The following FEV variants were observed in gnomAD, a reference collection of about 807,000 sequenced individuals.
FEV encodes the protein FEV transcription factor, ETS family member.
FEV carries 14 observed loss-of-function variants against 20.5 expected under a neutral mutation model. The observed-to-expected ratio is 0.68, with a 90% CI of 0.45 to 1.07. FEV has a LOEUF of 1.07. Among genes scored for constraint, FEV ranks in the 50% least tolerant of loss-of-function variants. The pLI, the probability that FEV is intolerant of heterozygous loss-of-function variation, is 0.00. For synonymous variants in FEV, 188 were observed against 163.7 expected, an observed-to-expected ratio of 1.15 and a Z score of -1.13; for missense variants, 301 against 345.3, an observed-to-expected ratio of 0.87 and a Z score of 1.02.
At position 218,984,208 on chromosome 2, in the gene FEV, G is replaced by A; in HGVS notation, c.127+23C>T. 1 of 1,571,514 alleles carries A rather than the reference G, an allele frequency of 6.4e-7. No individual in the cohort carries two copies. The highest frequency in any genetic ancestry group is 1.2e-5 in the South Asian group (1 of 85,540). ...GACCCCAACCAACCTCGCCTCCGCCGCCCAGCGCGCCGGCCATCTCACCTT... is the reference window on the plus strand; with the variant it reads ...GACCCCAACCAACCTCGCCTCCGCCACCCAGCGCGCCGGCCATCTCACCTT... On this transcript the variant is annotated intron_variant, in intron 2 of 2. Coordinates refer to ENST00000295727, the MANE Select transcript of FEV (RefSeq NM_017521.3). The surrounding 1 kb of genome is among the most constrained non-coding windows in gnomAD (Gnocchi z 5.0).
In FEV at chr2:218,984,259, C is replaced by G; in HGVS notation, c.99G>C (p.Trp33Cys). 2 of 1,602,166 alleles carry G rather than the reference C, an allele frequency of 1.2e-6. No homozygotes were observed. The highest frequency in any genetic ancestry group is 1.7e-6 in the Non-Finnish European group (2 of 1,174,786). The change falls in exon 2 of 3, where the codon TGG becomes TGC. Residue 33 changes from tryptophan (W) to cysteine (C), a missense_variant. Coordinates refer to ENST00000295727, the MANE Select transcript of FEV (RefSeq NM_017521.3). The surrounding 1 kb of genome is among the most constrained non-coding windows in gnomAD (Gnocchi z 5.0). ...GLFKDGKNPS[W>C]GPLSPAVQKG... ...TCTGAACCGCGGGGCTCAGCGGCCCCCAGCTCGGGTTCTTCCCGTCCTTGA... is the reference window on the plus strand; with the variant it reads ...TCTGAACCGCGGGGCTCAGCGGCCCGCAGCTCGGGTTCTTCCCGTCCTTGA...
chr2:218,982,123 C>T lies in FEV; in HGVS notation c.261G>A (p.Trp87Ter), dbSNP rs1945395272. The T allele has an allele frequency of 6.2e-7, 1 of 1,613,554 alleles. No homozygotes were observed. The highest frequency in any genetic ancestry group is 1.7e-5 in the Admixed American group (1 of 59,988). ...TGTTGGGCTTGCTCTTGCGCTCGCC[C>T]CACCGCCGCGCCACCTCGTCCGGGT... ...LTDPDEVARR[W>*]GERKSKPNMN... The change falls in exon 3 of 3, where the codon TGG (tryptophan) becomes TGA (stop). Residue 87 changes from tryptophan (W) to a stop codon, truncating the protein, a stop_gained. Coordinates refer to ENST00000295727, the MANE Select transcript of FEV (RefSeq NM_017521.3). LOFTEE classifies it high-confidence loss of function.
Position 218,984,440 on chromosome 2 carries a change from T to C in FEV, c.53-135A>G, listed in dbSNP as rs1945420200. 1.3e-6 allele frequency: 1 copy of C among 793,156 alleles called. No homozygotes were observed. The highest frequency in any genetic ancestry group is 1.9e-6 in the Non-Finnish European group (1 of 516,902). 49.1% of individuals were successfully genotyped at this position (793,156 alleles called of 1,614,324 possible). Reference sequence around the variant, plus strand: ...AGGCTGGGGGCCCGGGCCACCCGGCTCCTCCTCCCGGAGCCTGGTCCAGGC... The same window carrying C: ...AGGCTGGGGGCCCGGGCCACCCGGCCCCTCCTCCCGGAGCCTGGTCCAGGC... On this transcript the variant is annotated intron_variant, in intron 1 of 2. Coordinates refer to ENST00000295727, the MANE Select transcript of FEV (RefSeq NM_017521.3). This position sits in a 1 kb window ranked among gnomAD's most constrained non-coding sequence, Gnocchi z 5.0.
rs1945389574 is a variant in FEV, at chr2:218,981,826, C to T, written c.558G>A (p.Gly186=). ...AGTAGGAGAAGCCGGCGGGCGCGAC[C>T]CCGGCCGAGGCGGCCATGAGGTTGA... ...SKLNLMAASA[G]VAPAGFSYWP... The change falls in exon 3 of 3, where the codon GGG becomes GGA. Residue 186 remains glycine, a synonymous_variant. Coordinates refer to ENST00000295727, the MANE Select transcript of FEV (RefSeq NM_017521.3). The surrounding 1 kb of genome is among the most constrained non-coding windows in gnomAD (Gnocchi z 4.5). 8.1e-7 allele frequency: 1 copy of T among 1,238,630 alleles called. No individual in the cohort carries two copies. The highest frequency in any genetic ancestry group is 1.6e-5 in the African/African-American group (1 of 63,784). The allele number at this position is 1,238,630 out of a possible 1,614,324, so 76.7% of individuals were successfully genotyped here. A position where few individuals can be genotyped will look rare whatever the true frequency, so the allele number is the denominator to read the frequency against.
Position 218,984,387 on chromosome 2 carries a change from A to C in FEV, c.53-82T>G. The C allele has an allele frequency of 7.4e-7, 1 of 1,359,958 alleles. No individual in the cohort carries two copies. The highest frequency in any genetic ancestry group is 1.3e-5 in the South Asian group (1 of 74,084). 84.2% of individuals were successfully genotyped at this position (1,359,958 alleles called of 1,614,324 possible). The stretch of plus-strand genomic sequence containing the variant: ...ACAAAAGGGCCCCGGGCCAAGGCTT[A>C]AGGGGGGTGCTGTGGTCCCCAGGCG... On this transcript the variant is annotated intron_variant, in intron 1 of 2. Transcript: ENST00000295727. The surrounding 1 kb of genome is among the most constrained non-coding windows in gnomAD (Gnocchi z 5.0).
rs1223059226 is a variant in FEV, at chr2:218,984,243, C to CG, written c.114dup (p.Ala39ArgfsTer21). ...CCGGCCATCTCACCTTTCTGAACCG[C>CG]GGGGCTCAGCGGCCCCCAGCTCGGG... On this transcript the variant is annotated frameshift_variant, in exon 2 of 3. Transcript: ENST00000295727. LOFTEE classifies it high-confidence loss of function. The surrounding 1 kb of genome is among the most constrained non-coding windows in gnomAD (Gnocchi z 5.0). 6.3e-7 allele frequency: 1 copy of CG among 1,597,946 alleles called. No homozygotes were observed. Among genetic ancestry groups the CG allele is most frequent in the Non-Finnish European group, 8.5e-7 (1 of 1,172,684 alleles).
Position 218,981,903 on chromosome 2 carries a change from A to G in FEV, c.481T>C (p.Tyr161His). The G allele has an allele frequency of 8.0e-7, 1 of 1,256,758 alleles. No individual in the cohort carries two copies. Among genetic ancestry groups the G allele is most frequent in the Non-Finnish European group, 9.9e-7 (1 of 1,005,592 alleles). The allele number at this position is 1,256,758 out of a possible 1,614,324, so 77.9% of individuals were successfully genotyped here. A position where few individuals can be genotyped will look rare whatever the true frequency, so the allele number is the denominator to read the frequency against. The change falls in exon 3 of 3, where the codon TAC becomes CAC. Residue 161 changes from tyrosine to histidine, a missense_variant. Coordinates refer to ENST00000295727, the MANE Select transcript of FEV (RefSeq NM_017521.3). This position sits in a 1 kb window ranked among gnomAD's most constrained non-coding sequence, Gnocchi z 4.5. ...GGGGCGAGGCCGGCGGGCAGCTTGT[A>G]GAGCGCGCCGTCCTGGGCGGCCGCG... ...AAAAAQDGAL[Y>H]KLPAGLAPLP...
Position 218,981,678 on chromosome 2 carries a change from G to A in FEV, c.706C>T (p.His236Tyr). The change falls in exon 3 of 3, where the codon CAT becomes TAT. Residue 236 changes from histidine (H) to tyrosine (Y), a missense_variant. Transcript: ENST00000295727. The surrounding 1 kb of genome is among the most constrained non-coding windows in gnomAD (Gnocchi z 4.5). ...CCCGACCGCCCCGTCTAGTGGTAAT[G>A]GCCCCCCAAGTGCGAGGCTGCGGCC... ...AVAAASHLGGHYH is the reference protein window; with the variant it reads ...AVAAASHLGGYYH 1 of 1,338,062 alleles carries A rather than the reference G, an allele frequency of 7.5e-7. No individual in the cohort carries two copies. The highest frequency in any genetic ancestry group is 9.5e-7 in the Non-Finnish European group (1 of 1,050,572). The allele number at this position is 1,338,062 out of a possible 1,614,324, so 82.9% of individuals were successfully genotyped here.
rs532473906 is a variant in FEV, at chr2:218,984,265, C to G, written c.93G>C (p.Pro31=). 9 of 1,602,580 alleles carry G rather than the reference C, an allele frequency of 5.6e-6. No individual in the cohort carries two copies. In the South Asian group the frequency reaches 9.0e-5, roughly 16 times the overall value. Residue 31 remains proline, a synonymous_variant, in exon 2 of 3, where the codon CCG becomes CCC. Coordinates refer to ENST00000295727, the MANE Select transcript of FEV (RefSeq NM_017521.3). The surrounding 1 kb of genome is among the most constrained non-coding windows in gnomAD (Gnocchi z 5.0). ...GDGLFKDGKN[P]SWGPLSPAVQ... ...CCGCGGGGCTCAGCGGCCCCCAGCT[C>G]GGGTTCTTCCCGTCCTTGAAGAGAC...
intron 2 of FEV, among the ~76,000 whole-genome samples, chr2:218,982,545 G>C (rs1408425855): frequency 6.6e-6 from 1 of 152,064 alleles, no homozygotes; most frequent in Non-Finnish European, 1.5e-5. Context: ...GGGGGAAGGG[G>C]AAGCATTGCC....
chr2:218,981,703 C>G lies in FEV; in HGVS notation c.681G>C (p.Val227=). The change falls in exon 3 of 3, where the codon GTG becomes GTC. Residue 227 remains valine, a synonymous_variant. Transcript: ENST00000295727. The surrounding 1 kb of genome is among the most constrained non-coding windows in gnomAD (Gnocchi z 4.5). ...LQPPPGPFGA[V]AAASHLGGHY... is the part of the protein sequence containing the mutation. ...GGCCCCCCAAGTGCGAGGCTGCGGC[C>G]ACGGCCCCGAAGGGCCCGGGCGGGG... 7.5e-7 allele frequency: 1 copy of G among 1,342,084 alleles called. No homozygotes were observed. Among genetic ancestry groups the G allele is most frequent in the Non-Finnish European group, 9.5e-7 (1 of 1,052,816 alleles). 83.1% of individuals were successfully genotyped at this position (1,342,084 alleles called of 1,614,324 possible).
rs1279286711 is a variant in FEV, at chr2:218,981,759, C to T, written c.625G>A (p.Ala209Thr). 1 of 1,275,708 alleles carries T rather than the reference C, an allele frequency of 7.8e-7. No individual in the cohort carries two copies. Among genetic ancestry groups the T allele is most frequent in the Non-Finnish European group, 9.8e-7 (1 of 1,018,684 alleles). 79.0% of individuals were successfully genotyped at this position (1,275,708 alleles called of 1,614,324 possible). A position where few individuals can be genotyped will look rare whatever the true frequency, so the allele number is the denominator to read the frequency against. ...AAGCTGGGACTGGGGTAGAGCGCGG[C>T]GGTGGCGGCGGCAGCGGTGGCGGCG... ...GPAATAAAAT[A>T]ALYPSPSLQP... Residue 209 changes from alanine to threonine, a missense_variant, in exon 3 of 3, where the codon GCC becomes ACC. Transcript: ENST00000295727. This position sits in a 1 kb window ranked among gnomAD's most constrained non-coding sequence, Gnocchi z 4.5.
At chr2:218,982,474 C>A (rs1459667757) in intron 2 of FEV, among the ~76,000 whole-genome samples, 2 of 152,204 alleles carry the variant, frequency 1.3e-5, no homozygotes, top group Non-Finnish European at 1.5e-5. Flanking sequence ...AATGGAAATG[C>A]GGCTTCCACT....
In FEV at chr2:218,981,966, C is replaced by A; in HGVS notation, c.418G>T (p.Ala140Ser). Residue 140 changes from alanine to serine, a missense_variant, in exon 3 of 3, where the codon GCG (alanine) becomes TCG (serine). Ala to Ser is a moderately conservative substitution (Grantham distance 99, BLOSUM62 1). Transcript: ENST00000295727. The surrounding 1 kb of genome is among the most constrained non-coding windows in gnomAD (Gnocchi z 4.5). ...GLAQACQPPP[A>S]HAHAAAAAAA... ...GCTGCGGCGGCGGCATGAGCGTGCG[C>A]GGGCGGCGGCTGGCAGGCCTGCGCC... The A allele has an allele frequency of 6.4e-7, 1 of 1,561,192 alleles. No homozygotes were observed. Among genetic ancestry groups the A allele is most frequent in the Non-Finnish European group, 8.6e-7 (1 of 1,158,702 alleles).
rs368228954 is a variant in FEV, at chr2:218,984,205, G to A, written c.127+26C>T. On this transcript the variant is annotated intron_variant, in intron 2 of 2. Transcript: ENST00000295727. This position sits in a 1 kb window ranked among gnomAD's most constrained non-coding sequence, Gnocchi z 5.0. ...CCTGACCCCAACCAACCTCGCCTCC[G>A]CCGCCCAGCGCGCCGGCCATCTCAC... The A allele has an allele frequency of 6.4e-7, 1 of 1,567,760 alleles. No homozygotes were observed. The highest frequency in any genetic ancestry group is 1.4e-5 in the African/African-American group (1 of 73,808).
Position 218,982,358 on chromosome 2 carries a change from G to A in FEV, c.128-102C>T. On this transcript the variant is annotated intron_variant, in intron 2 of 2. Transcript: ENST00000295727. Reference sequence around the variant, plus strand: ...ACCCACCCCGGCAGGAACCGGCACTGGGGGAGGAAAAGTGCAAGTCAAACT... The same window carrying A: ...ACCCACCCCGGCAGGAACCGGCACTAGGGGAGGAAAAGTGCAAGTCAAACT... 4 of 1,083,588 alleles carry A rather than the reference G, an allele frequency of 3.7e-6. No homozygotes were observed. The South Asian group carries it at 6.3e-5, about 17-fold the overall frequency. 67.1% of individuals were successfully genotyped at this position (1,083,588 alleles called of 1,614,324 possible).
At position 218,981,151 on chromosome 2, in the gene FEV, T is replaced by G. The variant is rs941019370; in HGVS notation, c.*516A>C. On this transcript the variant is annotated 3_prime_UTR_variant, in exon 3 of 3. Coordinates refer to ENST00000295727, the MANE Select transcript of FEV (RefSeq NM_017521.3). This position sits in a 1 kb window ranked among gnomAD's most constrained non-coding sequence, Gnocchi z 4.5. ...ACACACCGGGAGTTTCTCCTGGGAG[T>G]GTGGGGACAGGAGGAAGGGGGCCGT... is the stretch of plus-strand genomic sequence containing the variant. The G allele has an allele frequency of 2.7e-5, 6 of 223,376 alleles. No individual in the cohort carries two copies. Among genetic ancestry groups the G allele is most frequent in the African/African-American group, 1.3e-4 (6 of 44,508 alleles). The allele number at this position is 223,376 out of a possible 1,614,324, so 13.8% of individuals were successfully genotyped here. A position where few individuals can be genotyped will look rare whatever the true frequency, so the allele number is the denominator to read the frequency against.
chr2:218,984,308 G>A lies in FEV; in HGVS notation c.53-3C>T, dbSNP rs1283673740. 4 of 1,588,892 alleles carry A rather than the reference G, an allele frequency of 2.5e-6. No homozygotes were observed. Among genetic ancestry groups the A allele is most frequent in the Non-Finnish European group, 3.4e-6 (4 of 1,167,418 alleles). On this transcript the variant is annotated splice_region_variant and splice_polypyrimidine_tract_variant and intron_variant, in intron 1 of 2. Coordinates refer to ENST00000295727, the MANE Select transcript of FEV (RefSeq NM_017521.3). The surrounding 1 kb of genome is among the most constrained non-coding windows in gnomAD (Gnocchi z 5.0). ...GAAGAGACCGTCTCCGACGGGATCT[G>A]CAAGCAGCAGAAGAAAAGAATCAGG... is the stretch of plus-strand genomic sequence containing the variant.
chr2:218,983,072 T>G (rs1317588510), intron 2 of FEV, among the ~76,000 whole-genome samples: 1 of 152,182 alleles, frequency 6.6e-6, no homozygotes, highest in Admixed American at 6.5e-5. Flanking sequence ...GATGAACAAC[T>G]CTGAGGAGGG....
Sources: allele counts gnomAD v4.1 joint callset (sites outside exome capture counted in the v4.1 genomes callset), GRCh38; gene constraint gnomAD v4.1.1; non-coding constraint Gnocchi (gnomAD v3.1); transcripts MANE v1.5; gene names NCBI Gene and HGNC (gene_info 2026-07-23, HGNC 2026-07-21).